PLA2G4A: variants seen among roughly 807,000 people sequenced by gnomAD.
PLA2G4A encodes the protein cytosolic phospholipase A2.
PLA2G4A carries 40 observed loss-of-function variants against 81.9 expected under a neutral mutation model. The ratio of observed to expected loss-of-function variants is 0.49; its 90% CI spans 0.38 to 0.64. PLA2G4A has a LOEUF of 0.64. Ranked by LOEUF, PLA2G4A falls within the 30% of genes least tolerant of loss-of-function variation. PLA2G4A has a pLI of 0.00. For synonymous variants in PLA2G4A, 302 were observed against 296.9 expected (o/e 1.02, Z -0.18); for missense variants, 715 against 905.1 (o/e 0.79, Z 2.69).
At position 186,956,309 on chromosome 1, in the gene PLA2G4A, C is replaced by G; in HGVS notation, c.1544C>G (p.Ser515Cys). 2 of 1,613,714 alleles carry G rather than the reference C, an allele frequency of 1.2e-6. No homozygotes were observed. Among genetic ancestry groups the G allele is most frequent in the Non-Finnish European group, 1.7e-6 (2 of 1,179,700 alleles). Residue 515 changes from serine (S) to cysteine (C), a missense_variant, in exon 14 of 18, where the codon TCC (serine) becomes TGC (cysteine). Ser to Cys is a moderately radical substitution (Grantham distance 112). Coordinates refer to ENST00000367466, the MANE Select transcript of PLA2G4A (RefSeq NM_024420.3). The part of the protein sequence containing the change: ...SPLSDFATQD[S>C]FDDDELDAAV... Reference sequence around the variant, plus strand: ...TTGAGTGACTTTGCCACACAGGACTCCTTTGATGATGATGAACTGGATGCA... The same window carrying G: ...TTGAGTGACTTTGCCACACAGGACTGCTTTGATGATGATGAACTGGATGCA...
intron 6 of PLA2G4A, among the ~76,000 whole-genome samples, chr1:186,909,088 C>T (rs1440535761): frequency 4.0e-5 from 6 of 149,030 alleles, no homozygotes; most frequent in Admixed American, 6.7e-5. Flanking sequence ...ATTCTCCTGC[C>T]TCAGCCTCCC....
intron 1 of PLA2G4A, among the ~76,000 whole-genome samples, chr1:186,840,253 C>T (rs755986564): frequency 6.6e-6 from 1 of 151,948 alleles, no homozygotes; most frequent in African/African-American, 2.4e-5. Context: ...GTCCATGGCA[C>T]AAAAAAGATT....
chr1:186,883,255 T>G (rs973045027), intron 3 of PLA2G4A, among the ~76,000 whole-genome samples: 2 of 152,084 alleles, frequency 1.3e-5, no homozygotes, highest in African/African-American at 2.4e-5. Context: ...TAAACAGGAT[T>G]GAACTATTTC....
chr1:186,977,347 A>G (rs1035313830), intron 15 of PLA2G4A, among the ~76,000 whole-genome samples: 4 of 152,192 alleles, frequency 2.6e-5, no homozygotes, highest in Non-Finnish European at 5.9e-5. Flanking sequence ...AGTTCAGTTT[A>G]TCAATAATTT....
At chr1:186,868,130 C>T (rs960082577) in intron 2 of PLA2G4A, among the ~76,000 whole-genome samples, 6 of 136,194 alleles carry the variant, frequency 4.4e-5, no homozygotes, top group Non-Finnish European at 6.0e-5. Flanking sequence ...GGCTGGAGTG[C>T]AATGGCGCTA....
chr1:186,935,325 T>C (rs555572303), intron 8 of PLA2G4A, among the ~76,000 whole-genome samples: 1 of 151,746 alleles, frequency 6.6e-6, no homozygotes, highest in South Asian at 2.1e-4. Flanking sequence ...AGCCATCTAT[T>C]ATTTCAAGTA....
intron 7 of PLA2G4A, among the ~76,000 whole-genome samples, chr1:186,922,143 A>G (rs1257552182): frequency 6.6e-6 from 1 of 152,144 alleles, no homozygotes; most frequent in Non-Finnish European, 1.5e-5. Context: ...TCGAGACAAA[A>G]GACCATGCTC....
intron 2 of PLA2G4A, among the ~76,000 whole-genome samples, chr1:186,868,074 T>TC (rs1653099948): frequency 1.9e-5 from 1 of 51,364 alleles, no homozygotes; most frequent in Non-Finnish European, 6.9e-5. Context: ...TATAATTCTT[T>TC]TTTTTTTTTT....
At chr1:186,946,525 T>C in intron 10 of PLA2G4A, 112 bp from the exon 11 acceptor site, 1 of 829,040 alleles carries the variant, frequency 1.2e-6, no homozygotes, top group Non-Finnish European at 2.1e-6. Flanking sequence ...TTTGATATTT[T>C]AAATACATGA....
At chr1:186,870,710 A>T in intron 3 of PLA2G4A, 194 bp downstream of exon 3, 2 of 1,516,646 alleles carry the variant, frequency 1.3e-6, no homozygotes, top group Admixed American at 1.9e-5. Flanking sequence ...GCCTTAAATT[A>T]GCCAAAGTGA....
intron 1 of PLA2G4A, among the ~76,000 whole-genome samples, chr1:186,846,680 C>T (rs1005145763): frequency 1.3e-5 from 2 of 152,150 alleles, no homozygotes; most frequent in Non-Finnish European, 2.9e-5. Flanking sequence ...TAGAATGTTA[C>T]ATCGCTCACA....
chr1:186,912,644 C>T (rs1020995450), intron 7 of PLA2G4A, among the ~76,000 whole-genome samples: 26 of 150,568 alleles, frequency 1.7e-4, no homozygotes, highest in African/African-American at 6.1e-4. Context: ...TTGGATAGCA[C>T]ATTTCATTTT....
At chr1:186,978,172 C>T (rs771720570) in intron 16 of PLA2G4A, among the ~76,000 whole-genome samples, 7 of 152,152 alleles carry the variant, frequency 4.6e-5, no homozygotes, top group Admixed American at 6.5e-5. Context: ...ACAAGATTAA[C>T]GTAATCTAGC....
At chr1:186,920,168 G>T (rs1278732119) in intron 7 of PLA2G4A, among the ~76,000 whole-genome samples, 1 of 152,146 alleles carries the variant, frequency 6.6e-6, no homozygotes, top group African/African-American at 2.4e-5. Context: ...CTTCCCAGGG[G>T]ACTGACCATA....
chr1:186,836,917 G>A (rs749901112), intron 1 of PLA2G4A, among the ~76,000 whole-genome samples: 6 of 152,174 alleles, frequency 3.9e-5, no homozygotes, highest in Non-Finnish European at 8.8e-5. Flanking sequence ...GGCTCTCTGA[G>A]GCATAGAATT....
At chr1:186,972,061 A>G (rs951243972) in intron 15 of PLA2G4A, among the ~76,000 whole-genome samples, 2 of 152,146 alleles carry the variant, frequency 1.3e-5, no homozygotes, top group African/African-American at 4.8e-5. Context: ...GAAGATACAG[A>G]AAGATGGAGA....
rs748209069 is a variant in PLA2G4A at position 186,939,934 on chromosome 1, T to A, written c.919-46T>A. 1.0e-5 allele frequency: 9 copies of A among 862,148 alleles called. No homozygotes were observed. The East Asian group carries it at 2.2e-4, about 21-fold the overall frequency. The allele number at this position is 862,148 out of a possible 1,614,324, so 53.4% of individuals were successfully genotyped here. A position where few individuals can be genotyped will look rare whatever the true frequency, so the allele number is the denominator to read the frequency against. On this transcript the variant is annotated intron_variant, in intron 9 of 17. Coordinates refer to ENST00000367466, the MANE Select transcript of PLA2G4A (RefSeq NM_024420.3). ...TATTTTGAATAGCATTCTTTCTGTG[T>A]CTGTTTATAAATTTAAAGTCATCTT...
chr1:186,916,829 A>G (rs1650334598), intron 7 of PLA2G4A, among the ~76,000 whole-genome samples: 1 of 152,234 alleles, frequency 6.6e-6, no homozygotes, highest in Non-Finnish European at 1.5e-5. Context: ...TGATGTATAC[A>G]CTGAGAGCAG....
chr1:186,937,430 A>T (rs1204145769), intron 8 of PLA2G4A, among the ~76,000 whole-genome samples: 1 of 140,390 alleles, frequency 7.1e-6, no homozygotes, highest in Non-Finnish European at 1.5e-5. Context: ...TCTTTCAAGT[A>T]TTCAAAGCTG....
Sources: allele counts gnomAD v4.1 joint callset (sites outside exome capture counted in the v4.1 genomes callset), GRCh38; gene constraint gnomAD v4.1.1; transcripts MANE v1.5; gene names NCBI Gene and HGNC (gene_info 2026-07-23, HGNC 2026-07-21).